Variants in IL1RAPL2 observed in about 807,000 individuals in gnomAD.
The protein encoded by IL1RAPL2 is interleukin 1 receptor accessory protein like 2.
In IL1RAPL2, 3 loss-of-function variants were observed where a neutral mutation model predicts 44.1. The observed-to-expected ratio is 0.07, with a 90% confidence interval of 0.03 to 0.18. The LOEUF is 0.18. IL1RAPL2 is among the 10% of genes least tolerant of loss of function. The pLI is 1.00. For missense variants in IL1RAPL2, 391 were observed against 496.4 expected (o/e 0.79, Z 2.02); for synonymous variants, 181 against 178.8 (o/e 1.01, Z -0.10).
chrX:105,228,168 ACAGTAAAG>A, intron 3 of IL1RAPL2, among the ~76,000 whole-genome samples: 1 of 112,261 alleles, frequency 8.9e-6, no homozygotes, highest in South Asian at 3.6e-4. Context: ...AAAATTTCAG[ACAGTAAAG>A]CTTGTTTTAG....
chrX:104,792,720 A>G (rs1932832083), intron 2 of IL1RAPL2, among the ~76,000 whole-genome samples: 1 of 111,478 alleles, frequency 9.0e-6, no homozygotes, highest in Non-Finnish European at 1.9e-5. Flanking sequence ...AGTTATTAGA[A>G]TAAAACTGAT....
chrX:104,999,230 C>A (rs1056379179), intron 2 of IL1RAPL2, among the ~76,000 whole-genome samples: 1 of 111,797 alleles, frequency 8.9e-6, no homozygotes, highest in Non-Finnish European at 1.9e-5. Context: ...CAGGGACACA[C>A]CATCCATTGT....
intron 2 of IL1RAPL2, among the ~76,000 whole-genome samples, chrX:104,777,174 AC>A (rs1487934990): frequency 1.8e-5 from 2 of 111,023 alleles, no homozygotes; most frequent in Non-Finnish European, 3.8e-5. Context: ...ATCTTGCTAA[AC>A]TGAAACTCTA....
intron 5 of IL1RAPL2, among the ~76,000 whole-genome samples, chrX:105,390,121 G>A (rs1022299869): frequency 1.4e-4 from 16 of 111,487 alleles, no homozygotes; most frequent in African/African-American, 5.2e-4. Flanking sequence ...CTCTGCTGTT[G>A]TATCCCTTTA....
intron 1 of IL1RAPL2, among the ~76,000 whole-genome samples, chrX:104,578,721 A>G (rs1928287583): frequency 8.9e-6 from 1 of 111,781 alleles, no homozygotes. Flanking sequence ...GGGATGTTCC[A>G]GGAAAATTAT....
intron 7 of IL1RAPL2, among the ~76,000 whole-genome samples, chrX:105,726,001 G>A (rs1009897951): frequency 1.8e-5 from 2 of 110,837 alleles, no homozygotes; most frequent in African/African-American, 6.5e-5. Context: ...ATGATTCCAG[G>A]GTTGGTCTTA....
At chrX:105,501,142 G>A (rs962989085) in intron 6 of IL1RAPL2, among the ~76,000 whole-genome samples, 11 of 111,584 alleles carry the variant, frequency 9.9e-5, no homozygotes, top group African/African-American at 1.6e-4. Flanking sequence ...GTGCACAGTC[G>A]TATGTATGAA....
At chrX:104,755,821 A>G (rs1248875465) in intron 2 of IL1RAPL2, among the ~76,000 whole-genome samples, 2 of 111,582 alleles carry the variant, frequency 1.8e-5, no homozygotes, top group African/African-American at 6.5e-5. Flanking sequence ...TATTAAACCC[A>G]GAGCAGGTAG....
intron 2 of IL1RAPL2, among the ~76,000 whole-genome samples, chrX:104,979,081 A>C (rs1241691644): frequency 9.0e-6 from 1 of 111,718 alleles, no homozygotes; most frequent in African/African-American, 3.2e-5. Context: ...AATAAGGATT[A>C]ACTTTACAAT....
At chrX:105,030,837 A>G (rs917744638) in intron 2 of IL1RAPL2, among the ~76,000 whole-genome samples, 1 of 111,882 alleles carries the variant, frequency 8.9e-6, no homozygotes, top group Non-Finnish European at 1.9e-5. Context: ...CTTGGGCAGT[A>G]TGGCAATTTT....
At chrX:104,573,210 T>A (rs1256460989) in intron 1 of IL1RAPL2, among the ~76,000 whole-genome samples, 1 of 112,318 alleles carries the variant, frequency 8.9e-6, no homozygotes, top group African/African-American at 3.2e-5. Context: ...TGAAGCAGTA[T>A]AATAGGGCAC....
At chrX:105,062,731 C>G (rs1240263525) in intron 2 of IL1RAPL2, among the ~76,000 whole-genome samples, 1 of 110,611 alleles carries the variant, frequency 9.0e-6, no homozygotes, top group African/African-American at 3.3e-5. Context: ...ATTTTTTTTC[C>G]TTCAGCACTT....
At chrX:104,831,525 G>C (rs1304169349) in intron 2 of IL1RAPL2, among the ~76,000 whole-genome samples, 1 of 111,723 alleles carries the variant, frequency 9.0e-6, no homozygotes, top group African/African-American at 3.2e-5. Context: ...GCAGGGCAGG[G>C]AGTCACACAT....
At chrX:104,568,009 G>A (rs772211310) in intron 1 of IL1RAPL2, among the ~76,000 whole-genome samples, 2 of 111,979 alleles carry the variant, frequency 1.8e-5, no homozygotes, top group South Asian at 3.8e-4. Context: ...TTTTCCCCTT[G>A]CCACCCACAA....
chrX:104,948,217 TTGTC>T (rs906722496), intron 2 of IL1RAPL2, among the ~76,000 whole-genome samples: 1 of 107,563 alleles, frequency 9.3e-6, no homozygotes, highest in Middle Eastern at 4.3e-3. Context: ...GGCTCTCTGT[TTGTC>T]TGTTATTGGT....
chrX:105,132,278 T>TA (rs772501470), intron 2 of IL1RAPL2, among the ~76,000 whole-genome samples: 39 of 109,482 alleles, frequency 3.6e-4, no homozygotes, highest in Admixed American at 6.9e-4. Flanking sequence ...TTATTTTAAT[T>TA]TAAAAAAAAC....
chrX:104,963,934 TGAGA>T (rs201418326), intron 2 of IL1RAPL2, among the ~76,000 whole-genome samples: 69 of 102,652 alleles, frequency 6.7e-4, no homozygotes, highest in South Asian at 2.7e-3. Flanking sequence ...TGTGTGTGTG[TGAGA>T]GAGAGAGAGA....
intron 6 of IL1RAPL2, among the ~76,000 whole-genome samples, chrX:105,610,265 C>T (rs1474861402): frequency 8.9e-6 from 1 of 111,857 alleles, no homozygotes; most frequent in Non-Finnish European, 1.9e-5. Flanking sequence ...GCCAGAGTTT[C>T]CTTCAATCAG....
At chrX:104,804,577 A>G (rs1932907997) in intron 2 of IL1RAPL2, 2 of 112,206 alleles carry the variant, frequency 1.8e-5, no homozygotes, top group South Asian at 7.4e-4. Flanking sequence ...TTAGTATACC[A>G]CAATAGTCTT....
Sources: allele counts gnomAD v4.1 joint callset (sites outside exome capture counted in the v4.1 genomes callset), GRCh38; gene constraint gnomAD v4.1.1; transcripts MANE v1.5; gene names NCBI Gene and HGNC (gene_info 2026-07-23, HGNC 2026-07-21).